The following MYH15 variants were observed in gnomAD, a reference collection of about 807,000 sequenced individuals.
MYH15 encodes the protein myosin-15.
Under a neutral mutation model 240.5 loss-of-function variants are expected in MYH15, and 227 were observed. That is an observed-to-expected ratio of 0.94 (90% CI 0.85 to 1.05). The LOEUF is 1.05. MYH15 is among the 50% of genes least tolerant of loss of function. The pLI is 0.00. For missense variants in MYH15, 2,217 were observed against 2,247.5 expected, an observed-to-expected ratio of 0.99 and a Z score of 0.27; for synonymous variants, 785 against 796.7, an observed-to-expected ratio of 0.99 and a Z score of 0.25.
In MYH15 at chr3:108,453,991, G is replaced by A. The variant is rs761418613; in HGVS notation, c.2399+15C>T. ...ATTACCCTAGCAGTTGGGGAGCAGG[G>A]TGGGCATATAATACCTTTCTTCCAG... On this transcript the variant is annotated intron_variant, in intron 21 of 40. Transcript: ENST00000693548. 60 of 1,606,870 alleles carry A rather than the reference G, an allele frequency of 3.7e-5. 1 individual carries two copies. The Admixed American group carries it at 9.9e-4, about 26-fold the overall frequency.
chr3:108,455,952 AT>A, intron 19 of MYH15, 93 bp from the exon 20 acceptor site: 1 of 1,257,098 alleles, frequency 8.0e-7, no homozygotes, highest in East Asian at 2.4e-5. Context: ...GGAGACATAG[AT>A]TTTTATCTCT....
At chr3:108,466,384 CTATT>C (rs1375286344) in intron 14 of MYH15, among the ~76,000 whole-genome samples, 4 of 152,146 alleles carry the variant, frequency 2.6e-5, no homozygotes, top group African/African-American at 7.2e-5. Context: ...AAGGCAAAAA[CTATT>C]TATAAAAAAT....
At chr3:108,529,243 T>C (rs1376510624) in intron 1 of MYH15, 4 of 1,598,954 alleles carry the variant, frequency 2.5e-6, no homozygotes, top group Non-Finnish European at 3.4e-6. Context: ...AATTAAAACA[T>C]ATGTTGGGAG....
chr3:108,390,483 T>A (rs1373824996), intron 37 of MYH15, among the ~76,000 whole-genome samples: 2 of 152,222 alleles, frequency 1.3e-5, no homozygotes, highest in African/African-American at 4.8e-5. Context: ...TGCATACTTT[T>A]AAATTTTATA....
At chr3:108,442,426 G>A (rs977623405) in intron 22 of MYH15, among the ~76,000 whole-genome samples, 1 of 152,198 alleles carries the variant, frequency 6.6e-6, no homozygotes, top group Non-Finnish European at 1.5e-5. Flanking sequence ...TTTAGGAAGG[G>A]TCAATGCAAA....
At chr3:108,533,257 T>A (rs1055877063), upstream of MYH15, among the ~76,000 whole-genome samples, 6 of 151,386 alleles carry the variant, frequency 4.0e-5, no homozygotes, top group African/African-American at 1.5e-4. Context: ...CAGAAGTGCA[T>A]GCCAGAATTT....
intron 17 of MYH15, 41 bp from the exon 18 acceptor site, chr3:108,459,490 A>G: frequency 7.6e-7 from 1 of 1,312,322 alleles, no homozygotes; most frequent in East Asian, 2.4e-5. Context: ...CACTTTGCAA[A>G]TCACTAAAAA....
At chr3:108,506,167 C>A (rs935414046) in intron 1 of MYH15, among the ~76,000 whole-genome samples, 8 of 152,076 alleles carry the variant, frequency 5.3e-5, no homozygotes, top group African/African-American at 1.7e-4. Context: ...GGTGCTTGCA[C>A]CCCTTCCAGA....
In MYH15 at chr3:108,388,976, G is replaced by C; in HGVS notation, c.5529C>G (p.Thr1843=). The C allele has an allele frequency of 6.2e-7, 1 of 1,613,348 alleles. No homozygotes were observed. Among genetic ancestry groups the C allele is most frequent in the South Asian group, 1.1e-5 (1 of 90,946 alleles). Residue 1843 remains threonine, a synonymous_variant, in exon 38 of 41, where the codon ACC becomes ACG. Transcript: ENST00000693548. ...RRLERCIKEL[T]YQAEEDKKNL... ...GAATGGTTTCCTGGAGTACCTGATA[G>C]GTCAGCTCTTTGATGCATCGCTCAA...
intron 22 of MYH15, among the ~76,000 whole-genome samples, chr3:108,442,571 G>A (rs1034694868): frequency 3.3e-5 from 5 of 152,076 alleles, no homozygotes; most frequent in Non-Finnish European, 7.3e-5. Flanking sequence ...TGAACAAAGA[G>A]GACAGTCCAA....
At chr3:108,467,140 G>A (rs1234271666) in intron 14 of MYH15, among the ~76,000 whole-genome samples, 1 of 151,644 alleles carries the variant, frequency 6.6e-6, no homozygotes, top group African/African-American at 2.4e-5. Context: ...GTAATTAATT[G>A]ACAGGTGAAC....
At chr3:108,451,316 G>T (rs1006267017) in intron 21 of MYH15, among the ~76,000 whole-genome samples, 2 of 152,070 alleles carry the variant, frequency 1.3e-5, no homozygotes, top group Non-Finnish European at 2.9e-5. Flanking sequence ...GGAGGCAGAG[G>T]TTGCAGTGAC....
intron 1 of MYH15, among the ~76,000 whole-genome samples, chr3:108,520,228 T>A (rs2083607209): frequency 6.6e-6 from 1 of 152,186 alleles, no homozygotes; most frequent in African/African-American, 2.4e-5. Flanking sequence ...GCTGTTAAAA[T>A]TCTCACCTCA....
At chr3:108,514,863 G>A (rs1276745498), upstream of MYH15, among the ~76,000 whole-genome samples, 1 of 152,142 alleles carries the variant, frequency 6.6e-6, no homozygotes, top group Non-Finnish European at 1.5e-5. Flanking sequence ...TCCAATGGAA[G>A]GGTCTCATCC....
At chr3:108,381,609 C>T (rs1283943857) in intron 40 of MYH15, 50 bp from the exon 41 acceptor site, 1 of 1,601,254 alleles carries the variant, frequency 6.2e-7, no homozygotes, top group Admixed American at 1.7e-5. Context: ...TGATTTTCAC[C>T]AGTGGAACAC....
At chr3:108,437,532 T>C in intron 25 of MYH15, 22 bp downstream of exon 25, 6 of 1,606,952 alleles carry the variant, frequency 3.7e-6, no homozygotes, top group Non-Finnish European at 5.1e-6. Context: ...AGCAATCTCA[T>C]GTCAACAGAA....
intron 9 of MYH15, among the ~76,000 whole-genome samples, chr3:108,489,325 C>A (rs2083329374): frequency 6.6e-6 from 1 of 151,880 alleles, no homozygotes; most frequent in Admixed American, 6.6e-5. Flanking sequence ...ACCATCACTC[C>A]TGGAATTTAT....
Position 108,493,117 on chromosome 3 carries a change from TATC to T in MYH15, c.769_771del (p.Asp257del). ...AGACAGTGCAATGACTACTTACAGA[TATC>T]AATGTCCACAGATGACAGCATGCCT... On this transcript the variant is annotated inframe_deletion, in exon 8 of 41. Coordinates refer to ENST00000693548, the MANE Select transcript of MYH15 (RefSeq NM_014981.3). 6.2e-7 allele frequency: 1 copy of T among 1,613,858 alleles called. No individual in the cohort carries two copies. Among genetic ancestry groups the T allele is most frequent in the Non-Finnish European group, 8.5e-7 (1 of 1,179,788 alleles).
chr3:108,427,184 G>C (rs528125871), intron 27 of MYH15, among the ~76,000 whole-genome samples: 1 of 152,348 alleles, frequency 6.6e-6, no homozygotes, highest in South Asian at 2.1e-4. Context: ...TAAGTCTTTG[G>C]AACCTATTGA....
Sources: allele counts gnomAD v4.1 joint callset (sites outside exome capture counted in the v4.1 genomes callset), GRCh38; gene constraint gnomAD v4.1.1; transcripts MANE v1.5; gene names NCBI Gene and HGNC (gene_info 2026-07-23, HGNC 2026-07-21).